DCC: variants seen among roughly 807,000 people sequenced by gnomAD.
DCC encodes netrin receptor DCC.
In DCC, 58 loss-of-function variants were observed where a neutral mutation model predicts 172.5. The observed-to-expected ratio is 0.34, with a 90% CI of 0.27 to 0.42. The LOEUF is 0.42. Among genes scored for constraint, DCC ranks in the 10% least tolerant of loss-of-function variants. The probability of loss-of-function intolerance (pLI) is 1.00; values close to 1 mark genes in which losing one functional copy is unlikely to be tolerated. For synonymous variants in DCC, 709 were observed against 644.5 expected (o/e 1.10, Z -1.52); for missense variants, 1,740 against 1,791.0 (o/e 0.97, Z 0.51).
At chr18:53,370,531 C>A (rs2058050117) in intron 15 of DCC, among the ~76,000 whole-genome samples, 1 of 151,678 alleles carries the variant, frequency 6.6e-6, no homozygotes, top group African/African-American at 2.4e-5. Flanking sequence ...GTAAACTTTA[C>A]CCCAGCACTA....
At chr18:52,580,239 CA>C (rs1243705288) in intron 1 of DCC, among the ~76,000 whole-genome samples, 1 of 152,178 alleles carries the variant, frequency 6.6e-6, no homozygotes, top group Admixed American at 6.5e-5. Flanking sequence ...GAATCAAAGA[CA>C]AAATGAGACT....
intron 1 of DCC, among the ~76,000 whole-genome samples, chr18:52,414,098 G>A (rs1166276144): frequency 1.3e-5 from 2 of 151,992 alleles, no homozygotes; most frequent in Non-Finnish European, 2.9e-5. Flanking sequence ...TTTATTTATT[G>A]AGATGGAGTT....
intron 1 of DCC, among the ~76,000 whole-genome samples, chr18:52,512,139 T>C (rs1010759874): frequency 3.3e-5 from 5 of 152,164 alleles, no homozygotes; most frequent in African/African-American, 1.2e-4. Context: ...ATTATGAGAA[T>C]GTGTGTAATA....
At chr18:52,731,515 G>A (rs2145094755) in intron 1 of DCC, among the ~76,000 whole-genome samples, 1 of 152,332 alleles carries the variant, frequency 6.6e-6, no homozygotes, top group South Asian at 2.1e-4. Context: ...TAGTGAAAGG[G>A]TTTAGGACAG....
At chr18:52,867,206 G>A (rs1011197679) in intron 2 of DCC, among the ~76,000 whole-genome samples, 1 of 152,232 alleles carries the variant, frequency 6.6e-6, no homozygotes, top group African/African-American at 2.4e-5. Context: ...TGTTGAACCA[G>A]CCTTGCATCC....
chr18:52,562,641 C>T (rs545357727), intron 1 of DCC, among the ~76,000 whole-genome samples: 11 of 151,992 alleles, frequency 7.2e-5, no homozygotes, highest in African/African-American at 1.9e-4. Flanking sequence ...ACACTGTTGC[C>T]GCACACTATG....
At chr18:53,053,701 T>A (rs1183971511) in intron 5 of DCC, among the ~76,000 whole-genome samples, 1 of 152,146 alleles carries the variant, frequency 6.6e-6, no homozygotes, top group Non-Finnish European at 1.5e-5. Flanking sequence ...AATATTTGAC[T>A]GAGGAAAAAT....
chr18:53,245,362 C>T (rs927437956), intron 12 of DCC, among the ~76,000 whole-genome samples: 1 of 152,090 alleles, frequency 6.6e-6, no homozygotes, highest in Non-Finnish European at 1.5e-5. Context: ...AGACAGACTA[C>T]CTTAGGCTGT....
intron 12 of DCC, among the ~76,000 whole-genome samples, chr18:53,255,165 C>T (rs554295514): frequency 6.6e-6 from 1 of 151,890 alleles, no homozygotes; most frequent in Non-Finnish European, 1.5e-5. Context: ...CCAGGCCTTT[C>T]GGGCCCTTCT....
chr18:52,986,493 C>A (rs536874372), intron 5 of DCC, among the ~76,000 whole-genome samples: 2 of 152,210 alleles, frequency 1.3e-5, no homozygotes, highest in Admixed American at 1.3e-4. Flanking sequence ...AGTTTTAAGT[C>A]TTAGTTTCGC....
At chr18:52,796,395 T>A (rs2037878116) in intron 2 of DCC, among the ~76,000 whole-genome samples, 1 of 152,122 alleles carries the variant, frequency 6.6e-6, no homozygotes, top group Non-Finnish European at 1.5e-5. Context: ...CATTTGTGTA[T>A]CTAGTCTACC....
intron 9 of DCC, 70 bp from the exon 10 acceptor site, chr18:53,205,146 T>G: frequency 8.3e-7 from 1 of 1,210,160 alleles, no homozygotes; most frequent in Admixed American, 1.7e-5. Context: ...TGTAATTTTG[T>G]TTGTTTTGAG....
intron 24 of DCC, among the ~76,000 whole-genome samples, chr18:53,463,801 T>G (rs919998965): frequency 4.6e-5 from 7 of 152,238 alleles, no homozygotes; most frequent in Admixed American, 3.9e-4. Context: ...ATAAGTACTT[T>G]TCTTGTTTTG....
At chr18:53,063,897 G>C (rs1218112338) in intron 6 of DCC, among the ~76,000 whole-genome samples, 1 of 152,060 alleles carries the variant, frequency 6.6e-6, no homozygotes, top group Non-Finnish European at 1.5e-5. Context: ...TGGTAATACA[G>C]ACAGCTTTTT....
chr18:53,265,389 A>G (rs573819790), intron 12 of DCC, among the ~76,000 whole-genome samples: 33 of 152,334 alleles, frequency 2.2e-4, no homozygotes, highest in African/African-American at 7.9e-4. Flanking sequence ...AAAGTGTACT[A>G]TGCATTGGAG....
At chr18:52,850,584 T>C (rs2037350804) in intron 2 of DCC, among the ~76,000 whole-genome samples, 1 of 151,170 alleles carries the variant, frequency 6.6e-6, no homozygotes, top group African/African-American at 2.5e-5. Flanking sequence ...TTGTGTAGCA[T>C]CTTGAAAAGA....
rs144555643 is a variant in DCC, at chr18:52,806,293, T to C, written c.412+53919T>C. On this transcript the variant is annotated intron_variant, in intron 2 of 28. Coordinates refer to ENST00000442544, the MANE Select transcript of DCC (RefSeq NM_005215.4). ...TCAACATCCCATGCTCTAGTAGTGA[T>C]ATTTTTGTTAAAATAGATGAACTTA... Among the ~76,000 whole-genome samples, 745 of 152,350 alleles carry C rather than the reference T, an allele frequency of 4.9e-3. 8 individuals are homozygous for C. Among genetic ancestry groups the C allele is most frequent in the African/African-American group, 0.016 (682 of 41,582 alleles).
chr18:53,014,902 C>T (rs2041787117), intron 5 of DCC, among the ~76,000 whole-genome samples: 1 of 152,100 alleles, frequency 6.6e-6, no homozygotes, highest in Middle Eastern at 3.2e-3. Flanking sequence ...GAATTGACAT[C>T]TCCATTTAAT....
chr18:52,880,524 C>T (rs1010571994), intron 2 of DCC, among the ~76,000 whole-genome samples: 1 of 152,178 alleles, frequency 6.6e-6, no homozygotes, highest in Non-Finnish European at 1.5e-5. Flanking sequence ...CTACCTTTCC[C>T]AGCCTCTGGT....
Sources: allele counts gnomAD v4.1 joint callset (sites outside exome capture counted in the v4.1 genomes callset), GRCh38; gene constraint gnomAD v4.1.1; transcripts MANE v1.5; gene names NCBI Gene and HGNC (gene_info 2026-07-23, HGNC 2026-07-21).